The following MYOCD variants were observed in gnomAD, a reference collection of about 807,000 sequenced individuals.
The protein encoded by MYOCD is myocardin.
MYOCD carries 32 observed loss-of-function variants against 96.1 expected under a neutral mutation model. The ratio of observed to expected loss-of-function variants is 0.33; its 90% confidence interval spans 0.25 to 0.45. The LOEUF (loss-of-function observed/expected upper bound fraction) is 0.45. Among genes scored for constraint, MYOCD ranks in the 20% least tolerant of loss-of-function variants. The probability of loss-of-function intolerance (pLI) is 1.00; values close to 1 mark genes in which losing one functional copy is unlikely to be tolerated. For missense variants in MYOCD, 1,133 were observed against 1,200.6 expected (o/e 0.94, Z 0.83); for synonymous variants, 469 against 469.0 (o/e 1.00, Z 0.00).
At chr17:12,736,730 C>T (rs1379715778) in intron 6 of MYOCD, among the ~76,000 whole-genome samples, 1 of 152,214 alleles carries the variant, frequency 6.6e-6, no homozygotes, top group African/African-American at 2.4e-5. Flanking sequence ...TCTCTATGCA[C>T]TGAGGACTCA....
At position 12,745,963 on chromosome 17, in the gene MYOCD, C is replaced by G. The variant is rs770965947; in HGVS notation, c.1016C>G (p.Thr339Arg). 1.4e-5 allele frequency: 22 copies of G among 1,614,036 alleles called. No individual in the cohort carries two copies. In the South Asian group the frequency reaches 2.3e-4, roughly 17 times the overall value. The stretch of plus-strand genomic sequence containing the variant: ...GTCAGAAATCCAAACTCTTCTTCAA[C>G]GCCACTGAGCAATACCCCCTTGTCT... ...QMVRNPNSSS[T>R]PLSNTPLSPV... The change falls in exon 9 of 14, where the codon ACG becomes AGG. Residue 339 changes from threonine to arginine, a missense_variant. Thr to Arg is a moderately conservative substitution (Grantham distance 71). Coordinates refer to ENST00000425538, the MANE Select transcript of MYOCD (RefSeq NM_001146312.3).
At chr17:12,731,350 C>G (rs2032166480) in intron 5 of MYOCD, among the ~76,000 whole-genome samples, 1 of 152,162 alleles carries the variant, frequency 6.6e-6, no homozygotes, top group African/African-American at 2.4e-5. Context: ...GGAAGGGCCG[C>G]CTTTGCTTTC....
chr17:12,722,919 A>G lies in MYOCD; in HGVS notation c.326A>G (p.Asn109Ser), dbSNP rs767292644. ...LKRARLADDL[N>S]EKIALRPGPL... ...AGAGCCCGACTCGCCGATGATCTCA[A>G]TGAAAAAATTGCTCTACGACCAGGG... Residue 109 changes from asparagine to serine, a missense_variant, in exon 5 of 14, where the codon AAT (asparagine) becomes AGT (serine). By Grantham distance (46) the Asn-to-Ser change is conservative (BLOSUM62 1). Coordinates refer to ENST00000425538, the MANE Select transcript of MYOCD (RefSeq NM_001146312.3). 8.7e-6 allele frequency: 14 copies of G among 1,614,126 alleles called. No individual in the cohort carries two copies. In the South Asian group the frequency reaches 8.8e-5, roughly 10 times the overall value.
chr17:12,687,613 C>T (rs1244396265), intron 1 of MYOCD, among the ~76,000 whole-genome samples: 1 of 152,148 alleles, frequency 6.6e-6, no homozygotes, highest in Non-Finnish European at 1.5e-5. Context: ...ACCATTTTAT[C>T]ATTTTGTTAA....
chr17:12,726,645 T>C (rs2032008388), intron 5 of MYOCD, among the ~76,000 whole-genome samples: 1 of 152,192 alleles, frequency 6.6e-6, no homozygotes, highest in Non-Finnish European at 1.5e-5. Flanking sequence ...TAGCTAGTCC[T>C]GTCTGCCACA....
chr17:12,754,381 C>T (rs1000842807), intron 10 of MYOCD, among the ~76,000 whole-genome samples: 2 of 152,182 alleles, frequency 1.3e-5, no homozygotes, highest in Admixed American at 6.5e-5. Context: ...GGATTACAGG[C>T]GTGAGCCACC....
intron 1 of MYOCD, among the ~76,000 whole-genome samples, chr17:12,669,649 C>T (rs1429376990): frequency 6.6e-6 from 1 of 151,958 alleles, no homozygotes; most frequent in East Asian, 1.9e-4. Context: ...GACGGAGTCT[C>T]GCTCTGTTGC....
At chr17:12,717,092 A>G (rs2031670105) in intron 3 of MYOCD, among the ~76,000 whole-genome samples, 1 of 151,492 alleles carries the variant, frequency 6.6e-6, no homozygotes, top group African/African-American at 2.4e-5. Context: ...ATTAACATGT[A>G]CCAACCTGCC....
At chr17:12,717,295 G>T in intron 3 of MYOCD, 51 bp from the exon 4 acceptor site, 1 of 1,310,376 alleles carries the variant, frequency 7.6e-7, no homozygotes, top group South Asian at 1.3e-5. Flanking sequence ...GAGATAAATT[G>T]AGTTTTTTAA....
chr17:12,700,158 C>T (rs1221202141), intron 1 of MYOCD, among the ~76,000 whole-genome samples: 5 of 151,872 alleles, frequency 3.3e-5, no homozygotes, highest in African/African-American at 4.8e-5. Context: ...ATCCACTCAC[C>T]TTGGCCTCCC....
chr17:12,734,448 C>A (rs1259423398), intron 5 of MYOCD, among the ~76,000 whole-genome samples: 1 of 151,860 alleles, frequency 6.6e-6, no homozygotes, highest in East Asian at 1.9e-4. Flanking sequence ...CCCCTAACCC[C>A]CATCCACCCA....
intron 2 of MYOCD, chr17:12,706,006 G>C (rs180741589): frequency 6.6e-6 from 1 of 152,314 alleles, no homozygotes; most frequent in East Asian, 1.9e-4. Flanking sequence ...GAAGCCCTAT[G>C]TATAGCCCTA....
Position 12,763,688 on chromosome 17 carries a change from T to C in MYOCD, c.*44T>C, listed in dbSNP as rs770617901. 5 of 1,526,668 alleles carry C rather than the reference T, an allele frequency of 3.3e-6. No individual in the cohort carries two copies. In the African/African-American group the frequency reaches 4.1e-5, roughly 13 times the overall value. The allele number at this position is 1,526,668 out of a possible 1,614,324, so 94.6% of individuals were successfully genotyped here. A position where few individuals can be genotyped will look rare whatever the true frequency, so the allele number is the denominator to read the frequency against. On this transcript the variant is annotated 3_prime_UTR_variant, in exon 14 of 14. Coordinates refer to ENST00000425538, the MANE Select transcript of MYOCD (RefSeq NM_001146312.3). ...GCTATGGAAGACCAATGGAGTTCCATGGGGGAAAGCACACAGCCATACATA... is the reference window on the plus strand; with the variant it reads ...GCTATGGAAGACCAATGGAGTTCCACGGGGGAAAGCACACAGCCATACATA...
intron 9 of MYOCD, among the ~76,000 whole-genome samples, chr17:12,749,653 G>A (rs1346692006): frequency 7.3e-6 from 1 of 137,110 alleles, no homozygotes; most frequent in Non-Finnish European, 1.6e-5. Context: ...ATATACACAC[G>A]TATATATACA....
chr17:12,666,575 T>C (rs1909387121), intron 1 of MYOCD, among the ~76,000 whole-genome samples: 4 of 152,166 alleles, frequency 2.6e-5, no homozygotes. Flanking sequence ...ATTTCAAGTT[T>C]GGAAGCTGCG....
Position 12,752,846 on chromosome 17 carries a change from A to T in MYOCD, c.1558A>T (p.Met520Leu), listed in dbSNP as rs1191119382. Reference protein sequence around the residue: ...LDGLDSEKDKMLVEKQKVINE... With the variant: ...LDGLDSEKDKLLVEKQKVINE... ...TGGGCTGGACTCCGAGAAGGACAAG[A>T]TGCTGGTGGAGAAGCAGAAGGTGAT... is the stretch of plus-strand genomic sequence containing the variant. Residue 520 changes from methionine to leucine, a missense_variant, in exon 10 of 14, where the codon ATG (methionine) becomes TTG (leucine). Transcript: ENST00000425538. 6.2e-7 allele frequency: 1 copy of T among 1,613,964 alleles called. No homozygotes were observed. The highest frequency in any genetic ancestry group is 1.3e-5 in the African/African-American group (1 of 74,894).
chr17:12,754,945 A>G (rs533675846), intron 10 of MYOCD, among the ~76,000 whole-genome samples: 9 of 152,324 alleles, frequency 5.9e-5, no homozygotes, highest in African/African-American at 2.2e-4. Context: ...CCAGGATCAC[A>G]TGAACCCAAG....
intron 8 of MYOCD, among the ~76,000 whole-genome samples, chr17:12,745,461 G>A (rs1486458769): frequency 6.6e-6 from 1 of 152,006 alleles, no homozygotes; most frequent in African/African-American, 2.4e-5. Context: ...CACCCGCCTC[G>A]GCCTCCCAAA....
At chr17:12,709,739 G>A (rs1051541215) in intron 2 of MYOCD, among the ~76,000 whole-genome samples, 1 of 152,144 alleles carries the variant, frequency 6.6e-6, no homozygotes, top group African/African-American at 2.4e-5. Flanking sequence ...GCTCAAGGTT[G>A]CAAGAGAACA....
Sources: allele counts gnomAD v4.1 joint callset (sites outside exome capture counted in the v4.1 genomes callset), GRCh38; gene constraint gnomAD v4.1.1; transcripts MANE v1.5; gene names NCBI Gene and HGNC (gene_info 2026-07-23, HGNC 2026-07-21).